The following HTR4 variants were observed in gnomAD, a reference collection of about 807,000 sequenced individuals.
HTR4 encodes the protein 5-hydroxytryptamine (serotonin) receptor 4, G protein-coupled.
A neutral mutation model predicts 36.8 loss-of-function variants in HTR4; 16 were observed. That is an observed-to-expected ratio of 0.43 (90% CI 0.29 to 0.66). The LOEUF is 0.66. Among genes scored for constraint, HTR4 ranks in the 30% least tolerant of loss-of-function variants. The pLI, the probability that HTR4 is intolerant of heterozygous loss-of-function variation, is 0.13. For missense variants in HTR4, 438 were observed against 490.9 expected (o/e 0.89, Z 1.02); for synonymous variants, 189 against 185.1 (o/e 1.02, Z -0.17).
chr5:148,525,614 G>A (rs976873093), intron 4 of HTR4, among the ~76,000 whole-genome samples: 2 of 152,160 alleles, frequency 1.3e-5, no homozygotes, highest in Non-Finnish European at 2.9e-5. Context: ...CCCCTGGTAG[G>A]GCTGGGGATT....
Position 148,483,143 on chromosome 5 carries a change from G to C in HTR4, c.*60C>G. ...CGGGTGCAGTCGCGCACAAGCAGCAGCTTAGGACCTGGCCCTCTTTCGGAG... is the reference window on the plus strand; with the variant it reads ...CGGGTGCAGTCGCGCACAAGCAGCACCTTAGGACCTGGCCCTCTTTCGGAG... On this transcript the variant is annotated 3_prime_UTR_variant, in exon 7 of 7. Coordinates refer to ENST00000377888, the MANE Select transcript of HTR4 (RefSeq NM_000870.7). 1.7e-5 allele frequency: 28 copies of C among 1,612,312 alleles called. No individual in the cohort carries two copies. Among genetic ancestry groups the C allele is most frequent in the Non-Finnish European group, 2.2e-5 (26 of 1,179,082 alleles).
At chr5:148,527,692 G>A (rs2113805575) in intron 4 of HTR4, among the ~76,000 whole-genome samples, 1 of 152,124 alleles carries the variant, frequency 6.6e-6, no homozygotes, top group South Asian at 2.1e-4. Context: ...TTGGCTCACT[G>A]CAACCTCCGC....
chr5:148,576,128 A>AAAAAAAAAAAAAAC (rs1561629268), intron 2 of HTR4, among the ~76,000 whole-genome samples: 27 of 144,676 alleles, frequency 1.9e-4, no homozygotes, highest in African/African-American at 6.7e-4. Context: ...AAAAAAAAAA[A>AAAAAAAAAAAAAAC]AAAAACAAAA....
At chr5:148,506,236 T>C (rs1056267227) in intron 6 of HTR4, among the ~76,000 whole-genome samples, 3 of 152,210 alleles carry the variant, frequency 2.0e-5, no homozygotes, top group Admixed American at 6.5e-5. Context: ...TACAACCATC[T>C]GATCTTTGAC....
At chr5:148,612,090 C>T (rs899864058) in intron 2 of HTR4, among the ~76,000 whole-genome samples, 3 of 152,174 alleles carry the variant, frequency 2.0e-5, no homozygotes, top group African/African-American at 7.2e-5. Flanking sequence ...GAGAATTTAA[C>T]ACCCCACTGT....
intron 6 of HTR4, among the ~76,000 whole-genome samples, chr5:148,505,302 G>A (rs1045884797): frequency 1.3e-5 from 2 of 152,124 alleles, no homozygotes; most frequent in Non-Finnish European, 2.9e-5. Flanking sequence ...TGCAGAAAAG[G>A]CCTTTGACAA....
At chr5:148,570,824 G>C (rs1023800794) in intron 2 of HTR4, among the ~76,000 whole-genome samples, 4 of 145,346 alleles carry the variant, frequency 2.8e-5, no homozygotes, top group Non-Finnish European at 6.3e-5. Flanking sequence ...TGTTGTTTAT[G>C]TGTGTGTGGG....
chr5:148,507,726 T>C (rs1757294651), intron 6 of HTR4, among the ~76,000 whole-genome samples: 1 of 152,150 alleles, frequency 6.6e-6, no homozygotes. Flanking sequence ...ATAGGCTTTC[T>C]TGGGCTGCCC....
At chr5:148,476,608 T>A (rs965776037), downstream of HTR4, 5 of 1,528,038 alleles carry the variant, frequency 3.3e-6, no homozygotes, top group East Asian at 2.4e-5. Context: ...GCCGTAACAA[T>A]GAAAAGCTTC....
intron 5 of HTR4, among the ~76,000 whole-genome samples, chr5:148,452,429 C>T (rs544951838): frequency 3.2e-4 from 49 of 152,250 alleles, no homozygotes; most frequent in African/African-American, 1.0e-3. Flanking sequence ...GCATTTTGTG[C>T]CCCAGGGGCC....
At chr5:148,515,955 A>G (rs1757729005) in intron 5 of HTR4, among the ~76,000 whole-genome samples, 1 of 150,664 alleles carries the variant, frequency 6.6e-6, no homozygotes, top group Admixed American at 6.7e-5. Context: ...CATGGATGTT[A>G]GAACTTTTTT....
At chr5:148,590,635 T>A (rs1407378893) in intron 2 of HTR4, among the ~76,000 whole-genome samples, 1 of 152,202 alleles carries the variant, frequency 6.6e-6, no homozygotes, top group Non-Finnish European at 1.5e-5. Context: ...CTAAACTCCA[T>A]CCTTCATACT....
intron 2 of HTR4, among the ~76,000 whole-genome samples, chr5:148,580,718 C>T (rs980606273): frequency 1.3e-5 from 2 of 152,066 alleles, no homozygotes; most frequent in African/African-American, 4.8e-5. Context: ...TTTTTCAAGG[C>T]TAAATAATAT....
At chr5:148,479,721 A>AAAAACAC (rs1403183453), downstream of HTR4, among the ~76,000 whole-genome samples, 1 of 152,182 alleles carries the variant, frequency 6.6e-6, no homozygotes, top group African/African-American at 2.4e-5. Flanking sequence ...CTCATAAACC[A>AAAAACAC]AAAACACAAC....
chr5:148,576,119 A>AAAAAAAAAAAC (rs1760897080), intron 2 of HTR4, among the ~76,000 whole-genome samples: 2 of 135,574 alleles, frequency 1.5e-5, no homozygotes, highest in African/African-American at 2.6e-5. Context: ...TCAAAAAAAA[A>AAAAAAAAAAAC]AAAAAAAAAA....
At chr5:148,451,328 G>A (rs1019600267) in intron 5 of HTR4, 41 of 1,610,786 alleles carry the variant, frequency 2.5e-5, no homozygotes, top group South Asian at 5.5e-5. Flanking sequence ...CAACTGCACC[G>A]AAGTCAAGAG....
chr5:148,651,851 G>T (rs1340369254), intron 1 of HTR4, among the ~76,000 whole-genome samples: 1 of 151,928 alleles, frequency 6.6e-6, no homozygotes, highest in African/African-American at 2.4e-5. Flanking sequence ...TAAGAAATTA[G>T]GTGAAATGTT....
chr5:148,511,210 T>C, intron 5 of HTR4, among the ~76,000 whole-genome samples: 1 of 152,186 alleles, frequency 6.6e-6, no homozygotes, highest in Admixed American at 6.5e-5. Flanking sequence ...ATAAAGTACA[T>C]AAAGTGTATA....
intron 5 of HTR4, among the ~76,000 whole-genome samples, chr5:148,470,881 G>T (rs976023477): frequency 2.6e-5 from 4 of 152,034 alleles, no homozygotes; most frequent in Non-Finnish European, 5.9e-5. Flanking sequence ...TAGAGACGGG[G>T]TTTCACCATG....
Sources: gnomAD v4.1 joint callset for allele counts (sites outside exome capture counted in the v4.1 genomes callset) on GRCh38, gnomAD v4.1.1 for gene constraint, MANE v1.5 for transcripts, NCBI Gene and HGNC (gene_info 2026-07-23, HGNC 2026-07-21) for gene names.